The following TAFA1 variants were observed in gnomAD, a reference collection of about 807,000 sequenced individuals.
TAFA1 encodes chemokine-like protein TAFA-1.
TAFA1 carries 4 observed loss-of-function variants against 18.5 expected under a neutral mutation model. The ratio of observed to expected loss-of-function variants is 0.22; its 90% CI spans 0.11 to 0.49. The LOEUF (loss-of-function observed/expected upper bound fraction) is 0.49, where lower values mean the gene tolerates loss of function less well. TAFA1 is among the 20% of genes least tolerant of loss of function. TAFA1 has a pLI of 0.98. For missense variants in TAFA1, 147 were observed against 169.0 expected (o/e 0.87, Z 0.72); for synonymous variants, 56 against 55.2 (o/e 1.01, Z -0.06).
At chr3:68,147,046 T>C (rs1179711787) in intron 2 of TAFA1, among the ~76,000 whole-genome samples, 1 of 150,996 alleles carries the variant, frequency 6.6e-6, no homozygotes, top group Admixed American at 6.6e-5. Flanking sequence ...TGTGTATATA[T>C]ATATATATAT....
At chr3:68,017,077 C>T (rs896621491) in intron 2 of TAFA1, among the ~76,000 whole-genome samples, 8 of 152,110 alleles carry the variant, frequency 5.3e-5, no homozygotes, top group African/African-American at 1.9e-4. Flanking sequence ...AAAATTGCGA[C>T]TTTAAAAATA....
chr3:68,051,777 A>C (rs1289771724), intron 2 of TAFA1, among the ~76,000 whole-genome samples: 1 of 152,116 alleles, frequency 6.6e-6, no homozygotes, highest in Non-Finnish European at 1.5e-5. Context: ...AAGATAAGTC[A>C]ATTTAGGTGA....
chr3:68,501,146 C>A (rs565526392), intron 3 of TAFA1, among the ~76,000 whole-genome samples: 68 of 121,350 alleles, frequency 5.6e-4, no homozygotes, highest in African/African-American at 1.8e-3. Context: ...CAGAGTGAGA[C>A]CCTGTCTGAA....
chr3:68,083,428 C>G (rs1298860360), intron 2 of TAFA1, among the ~76,000 whole-genome samples: 1 of 152,226 alleles, frequency 6.6e-6, no homozygotes, highest in African/African-American at 2.4e-5. Context: ...AAGAACTCCA[C>G]AAAGTGATCA....
At chr3:68,517,066 G>T (rs1201038121) in intron 3 of TAFA1, among the ~76,000 whole-genome samples, 1 of 152,080 alleles carries the variant, frequency 6.6e-6, no homozygotes, top group African/African-American at 2.4e-5. Flanking sequence ...GAGCCACCGC[G>T]CCTGGCCAAT....
intron 2 of TAFA1, among the ~76,000 whole-genome samples, chr3:68,266,086 T>C (rs543177013): frequency 7.3e-4 from 111 of 152,254 alleles, no homozygotes; most frequent in African/African-American, 2.6e-3. Flanking sequence ...AAATGTTCCC[T>C]TCATAGGCAA....
chr3:68,145,452 AACAAGG>A, intron 2 of TAFA1: 1 of 872,758 alleles, frequency 1.1e-6, no homozygotes, highest in Non-Finnish European at 2.0e-6. Context: ...GGCTTATTAG[AACAAGG>A]ATGGCAAGTT....
intron 3 of TAFA1, among the ~76,000 whole-genome samples, chr3:68,533,147 A>G (rs928058224): frequency 1.3e-5 from 2 of 151,990 alleles, no homozygotes; most frequent in African/African-American, 4.8e-5. Context: ...ATGATGCTGT[A>G]TTAGTCCGTT....
At chr3:68,289,909 G>A (rs2107275152) in intron 2 of TAFA1, among the ~76,000 whole-genome samples, 1 of 152,326 alleles carries the variant, frequency 6.6e-6, no homozygotes, top group Admixed American at 6.5e-5. Context: ...TGAATGAATG[G>A]ATGAGTAAAC....
At chr3:68,445,899 G>GTTTA (rs948899918) in intron 3 of TAFA1, among the ~76,000 whole-genome samples, 2 of 152,002 alleles carry the variant, frequency 1.3e-5, no homozygotes, top group African/African-American at 4.8e-5. Context: ...TTGTTTGTTT[G>GTTTA]TTATTTTGAT....
At chr3:68,300,546 A>G (rs997922050) in intron 2 of TAFA1, among the ~76,000 whole-genome samples, 7 of 152,130 alleles carry the variant, frequency 4.6e-5, no homozygotes, top group African/African-American at 1.7e-4. Context: ...TAATGCTGGA[A>G]TGAAGTTATA....
chr3:68,026,163 A>G (rs921995711), intron 2 of TAFA1, among the ~76,000 whole-genome samples: 5 of 152,082 alleles, frequency 3.3e-5, no homozygotes, highest in African/African-American at 1.2e-4. Context: ...TAAAAATGAA[A>G]TTCCTCCCTT....
At chr3:68,109,925 A>G (rs560854083) in intron 2 of TAFA1, among the ~76,000 whole-genome samples, 2 of 152,244 alleles carry the variant, frequency 1.3e-5, no homozygotes, top group African/African-American at 2.4e-5. Flanking sequence ...GCCTCATAAT[A>G]TGATTCATGT....
chr3:68,380,266 C>A (rs1361151667), intron 2 of TAFA1, among the ~76,000 whole-genome samples: 2 of 152,126 alleles, frequency 1.3e-5, no homozygotes, highest in East Asian at 3.9e-4. Flanking sequence ...GATTTATAAT[C>A]CTTTGGGTAT....
chr3:68,524,710 G>A (rs1054768710), intron 3 of TAFA1, among the ~76,000 whole-genome samples: 7 of 151,254 alleles, frequency 4.6e-5, no homozygotes, highest in Middle Eastern at 3.4e-3. Flanking sequence ...TCCCTCTGTC[G>A]CCCAGGCTGG....
chr3:68,142,005 A>G (rs1313999343), intron 2 of TAFA1, among the ~76,000 whole-genome samples: 1 of 152,170 alleles, frequency 6.6e-6, no homozygotes, highest in Non-Finnish European at 1.5e-5. Context: ...AATCTCCATC[A>G]GTAATCTCTG....
intron 2 of TAFA1, among the ~76,000 whole-genome samples, chr3:68,235,732 T>G (rs2066920602): frequency 6.6e-6 from 1 of 152,150 alleles, no homozygotes; most frequent in Non-Finnish European, 1.5e-5. Flanking sequence ...CCTGGAACCT[T>G]GGTACATATA....
At chr3:68,466,335 T>C (rs1235394881) in intron 3 of TAFA1, among the ~76,000 whole-genome samples, 7 of 152,160 alleles carry the variant, frequency 4.6e-5, no homozygotes, top group Non-Finnish European at 8.8e-5. Flanking sequence ...ACAGTGGGCA[T>C]AGAAGTGAGA....
chr3:68,217,009 G>A (rs566479811), intron 2 of TAFA1, among the ~76,000 whole-genome samples: 2 of 152,066 alleles, frequency 1.3e-5, no homozygotes, highest in Admixed American at 6.6e-5. Flanking sequence ...CAAGGAGGGA[G>A]AGCACAACTC....
Sources: gnomAD v4.1 joint callset for allele counts (sites outside exome capture counted in the v4.1 genomes callset) on GRCh38, gnomAD v4.1.1 for gene constraint, MANE v1.5 for transcripts, NCBI Gene and HGNC (gene_info 2026-07-23, HGNC 2026-07-21) for gene names.